The following ADCY1 variants were observed in gnomAD, a reference collection of about 807,000 sequenced individuals.
ADCY1 encodes the protein adenylate cyclase type 1.
ADCY1 carries 28 observed loss-of-function variants against 105.4 expected under a neutral mutation model. That is an observed-to-expected ratio of 0.27 (90% CI 0.20 to 0.36). ADCY1 has a LOEUF of 0.36. ADCY1 is among the 10% of genes least tolerant of loss of function. The pLI is 1.00. For synonymous variants in ADCY1, 655 were observed against 623.8 expected (o/e 1.05, Z -0.75); for missense variants, 977 against 1,434.2 (o/e 0.68, Z 5.15).
intron 1 of ADCY1, among the ~76,000 whole-genome samples, chr7:45,576,731 T>C (rs903523001): frequency 5.3e-5 from 8 of 152,020 alleles, no homozygotes; most frequent in South Asian, 2.1e-4. Flanking sequence ...CTGGGCCTCA[T>C]GCTGGCCCCC....
chr7:45,584,553 T>G (rs1323378275), intron 1 of ADCY1, among the ~76,000 whole-genome samples: 1 of 152,250 alleles, frequency 6.6e-6, no homozygotes, highest in African/African-American at 2.4e-5. Flanking sequence ...CCACTAGCCC[T>G]AAGGACTCAC....
chr7:45,659,857 A>G (rs1178347755), intron 6 of ADCY1, among the ~76,000 whole-genome samples, 185 bp from the exon 7 acceptor site: 2 of 151,588 alleles, frequency 1.3e-5, no homozygotes, highest in East Asian at 3.9e-4. Context: ...TGATGGCCCT[A>G]CTGTATCTGC....
intron 14 of ADCY1, among the ~76,000 whole-genome samples, chr7:45,692,013 G>A (rs1784794397): frequency 6.6e-6 from 1 of 152,188 alleles, no homozygotes; most frequent in African/African-American, 2.4e-5. Flanking sequence ...TCTGTTACTG[G>A]CCATAGGTTT....
intron 4 of ADCY1, among the ~76,000 whole-genome samples, chr7:45,628,914 T>A (rs1243660829): frequency 6.6e-6 from 1 of 152,102 alleles, no homozygotes; most frequent in Non-Finnish European, 1.5e-5. Flanking sequence ...TTCCTCAGCT[T>A]CCCACTGTCC....
rs55830120 is a variant in ADCY1 at position 45,656,015 on chromosome 7, T to C, written c.1149-1712T>C. The stretch of plus-strand genomic sequence containing the variant: ...ATAAAAAAGTATATTCAGCTGGGCA[T>C]GGTGGCTCACACCTGTAATCCCAGC... On this transcript the variant is annotated intron_variant, in intron 5 of 19. Coordinates refer to ENST00000297323, the MANE Select transcript of ADCY1 (RefSeq NM_021116.4). 3.9e-3 allele frequency among the ~76,000 whole-genome samples: 586 copies of C among 152,172 alleles called. 5 individuals carry two copies. The East Asian group carries it at 0.049, about 13-fold the overall frequency.
intron 17 of ADCY1, among the ~76,000 whole-genome samples, chr7:45,705,287 C>A (rs1785093216): frequency 6.6e-6 from 1 of 152,072 alleles, no homozygotes; most frequent in South Asian, 2.1e-4. Context: ...AATTACAGAC[C>A]AATATTTCTC....
chr7:45,693,729 T>C lies in ADCY1; in HGVS notation c.2454+7056T>C, dbSNP rs1293669501. Among the ~76,000 whole-genome samples, 19 of 149,582 alleles carry C rather than the reference T, an allele frequency of 1.3e-4. No individual in the cohort carries two copies. The East Asian group carries it at 3.6e-3, about 28-fold the overall frequency. On this transcript the variant is annotated intron_variant, in intron 14 of 19. Coordinates refer to ENST00000297323, the MANE Select transcript of ADCY1 (RefSeq NM_021116.4). ...TGGAACCAACCCAAATGTCCAACAATGATAGACTGGATTAAGAAAATGTGG... is the reference window on the plus strand; with the variant it reads ...TGGAACCAACCCAAATGTCCAACAACGATAGACTGGATTAAGAAAATGTGG...
At chr7:45,694,564 A>G (rs1298811112) in intron 14 of ADCY1, among the ~76,000 whole-genome samples, 2 of 152,226 alleles carry the variant, frequency 1.3e-5, no homozygotes, top group Non-Finnish European at 2.9e-5. Context: ...AGGAAATTAA[A>G]CCAAAAGTAA....
chr7:45,704,086 A>G (rs1487171346), intron 16 of ADCY1, among the ~76,000 whole-genome samples: 2 of 151,172 alleles, frequency 1.3e-5, no homozygotes, highest in East Asian at 3.9e-4. Context: ...GCCCTTGTCT[A>G]CAGATGGACA....
At position 45,574,731 on chromosome 7, in the gene ADCY1, A is replaced by G. The variant is rs1792275233; in HGVS notation, c.188A>G (p.Lys63Arg). The G allele has an allele frequency of 7.1e-7, 1 of 1,416,646 alleles. No individual in the cohort carries two copies. The allele number at this position is 1,416,646 out of a possible 1,614,324, so 87.8% of individuals were successfully genotyped here. Residue 63 changes from lysine to arginine, a missense_variant, in exon 1 of 20, where the codon AAG becomes AGG. By Grantham distance (26) the Lys-to-Arg change is conservative. Coordinates refer to ENST00000297323, the MANE Select transcript of ADCY1 (RefSeq NM_021116.4). The surrounding 1 kb of genome is among the most constrained non-coding windows in gnomAD (Gnocchi z 7.0). ...CGGCTGGAGCAGGCGGCCACGCTGA[A>G]GGCGCTGGCCGTTCTCAGCCTGCTG... ...TLRLEQAATL[K>R]ALAVLSLLAG...
At chr7:45,592,640 G>T (rs1159508459) in intron 1 of ADCY1, 119 bp from the exon 2 acceptor site, 3 of 1,402,390 alleles carry the variant, frequency 2.1e-6, no homozygotes, top group African/African-American at 2.8e-5. Context: ...CTGCGCTGTG[G>T]GTTTGGCCCG....
At chr7:45,593,517 C>A (rs1301567792) in intron 2 of ADCY1, among the ~76,000 whole-genome samples, 1 of 152,208 alleles carries the variant, frequency 6.6e-6, no homozygotes, top group Non-Finnish European at 1.5e-5. Flanking sequence ...CCTCTATGAC[C>A]CATCTTCTGT....
rs953798963 is a variant in ADCY1 at position 45,715,719 on chromosome 7, C to G, written c.*1724C>G. 1.3e-5 allele frequency: 2 copies of G among 152,542 alleles called. No homozygotes were observed. Among genetic ancestry groups the G allele is most frequent in the Non-Finnish European group, 2.9e-5 (2 of 68,338 alleles). The allele number at this position is 152,542 out of a possible 1,614,324, so 9.4% of individuals were successfully genotyped here. ...GCCAGACCCTGAGGGCTTTGCAGGG[C>G]GGCCAGTGCAGTGATGCCTGGCGCT... On this transcript the variant is annotated 3_prime_UTR_variant, in exon 20 of 20. Coordinates refer to ENST00000297323, the MANE Select transcript of ADCY1 (RefSeq NM_021116.4).
At position 45,714,113 on chromosome 7, in the gene ADCY1, G is replaced by A; in HGVS notation, c.*118G>A. The A allele has an allele frequency of 1.6e-6, 1 of 612,994 alleles. No homozygotes were observed. Among genetic ancestry groups the A allele is most frequent in the South Asian group, 1.9e-5 (1 of 51,604 alleles). 38.0% of individuals were successfully genotyped at this position (612,994 alleles called of 1,614,324 possible). A position where few individuals can be genotyped will look rare whatever the true frequency, so the allele number is the denominator to read the frequency against. On this transcript the variant is annotated 3_prime_UTR_variant, in exon 20 of 20. Transcript: ENST00000297323. ...CAGCAGAGCAGGGAGCCACTTGCCA[G>A]GGTGGAGGAGGAGCATTGTCCAGGC... is the stretch of plus-strand genomic sequence containing the variant.
chr7:45,604,589 C>A (rs958833810), intron 2 of ADCY1, among the ~76,000 whole-genome samples: 2 of 152,126 alleles, frequency 1.3e-5, no homozygotes, highest in African/African-American at 4.8e-5. Flanking sequence ...TACCCTTCCT[C>A]CATTGAATTA....
chr7:45,710,281 C>G lies in ADCY1; in HGVS notation c.2933-247C>G, dbSNP rs1356752679. Among the ~76,000 whole-genome samples, 1 of 152,166 alleles carries G rather than the reference C, an allele frequency of 6.6e-6. No individual in the cohort carries two copies. The highest frequency in any genetic ancestry group is 1.5e-5 in the Non-Finnish European group (1 of 68,028). On this transcript the variant is annotated intron_variant, in intron 18 of 19. Transcript: ENST00000297323. This position sits in a 1 kb window ranked among gnomAD's most constrained non-coding sequence, Gnocchi z 4.7. Reference sequence around the variant, plus strand: ...CGTTTTGAACAGCCAGTGCTGTTCCCCAGTGCAGTGGACAGTGTCGTGAGG... The same window carrying G: ...CGTTTTGAACAGCCAGTGCTGTTCCGCAGTGCAGTGGACAGTGTCGTGAGG...
chr7:45,638,845 G>T (rs1045472088), intron 4 of ADCY1, among the ~76,000 whole-genome samples: 5 of 152,182 alleles, frequency 3.3e-5, no homozygotes, highest in African/African-American at 1.2e-4. Context: ...GCTGCCAGAT[G>T]TCCATGCATA....
intron 4 of ADCY1, among the ~76,000 whole-genome samples, chr7:45,625,184 C>T (rs1332376063): frequency 1.3e-5 from 2 of 152,168 alleles, no homozygotes; most frequent in Non-Finnish European, 2.9e-5. Flanking sequence ...GTGCCACTGT[C>T]CAGGGTGTAT....
rs954365379 is a variant in ADCY1, at chr7:45,715,961, T to C, written c.*1966T>C. 1 of 152,738 alleles carries C rather than the reference T, an allele frequency of 6.5e-6. No homozygotes were observed. Among genetic ancestry groups the C allele is most frequent in the Non-Finnish European group, 1.5e-5 (1 of 68,496 alleles). The allele number at this position is 152,738 out of a possible 1,614,324, so 9.5% of individuals were successfully genotyped here. Reference sequence around the variant, plus strand: ...CCTTTCCAGCACCTTCCCCTGGTTATGACAGGGAGCTCCCAGGCCAGGCCA... The same window carrying C: ...CCTTTCCAGCACCTTCCCCTGGTTACGACAGGGAGCTCCCAGGCCAGGCCA... On this transcript the variant is annotated 3_prime_UTR_variant, in exon 20 of 20. Coordinates refer to ENST00000297323, the MANE Select transcript of ADCY1 (RefSeq NM_021116.4).
Sources: allele counts gnomAD v4.1 joint callset (sites outside exome capture counted in the v4.1 genomes callset), GRCh38; gene constraint gnomAD v4.1.1; non-coding constraint Gnocchi (gnomAD v3.1); transcripts MANE v1.5; gene names NCBI Gene and HGNC (gene_info 2026-07-23, HGNC 2026-07-21).